IQGAP2: variants seen among roughly 807,000 people sequenced by gnomAD.
IQGAP2 encodes ras GTPase-activating-like protein IQGAP2.
IQGAP2 carries 173 observed loss-of-function variants against 201.3 expected under a neutral mutation model. The observed-to-expected ratio is 0.86, with a 90% confidence interval of 0.76 to 0.98. The LOEUF is 0.98. Among genes scored for constraint, IQGAP2 ranks in the 50% least tolerant of loss-of-function variants. IQGAP2 has a pLI of 0.00. For synonymous variants in IQGAP2, 675 were observed against 673.9 expected (o/e 1.00, Z -0.03); for missense variants, 1,687 against 1,864.8 (o/e 0.90, Z 1.76).
chr5:76,519,567 G>C (rs1330536552), intron 2 of IQGAP2, among the ~76,000 whole-genome samples: 2 of 152,176 alleles, frequency 1.3e-5, no homozygotes, highest in East Asian at 3.9e-4. Context: ...GCAGTACTGG[G>C]TCATATGGAA....
intron 23 of IQGAP2, among the ~76,000 whole-genome samples, chr5:76,669,708 T>C (rs894268106): frequency 2.6e-5 from 4 of 152,148 alleles, no homozygotes; most frequent in South Asian, 2.1e-4. Context: ...GGAAAGTAGA[T>C]TAGTCTAGCC....
In IQGAP2 at chr5:76,663,374, GA is replaced by G. The variant is rs147905032; in HGVS notation, c.2530-1646del. 7.6e-3 allele frequency among the ~76,000 whole-genome samples: 1,152 copies of G among 152,258 alleles called. 17 individuals are homozygous for G. Among genetic ancestry groups the G allele is most frequent in the African/African-American group, 0.026 (1,082 of 41,558 alleles). On this transcript the variant is annotated intron_variant, in intron 21 of 35. Coordinates refer to ENST00000274364, the MANE Select transcript of IQGAP2 (RefSeq NM_006633.5). Reference sequence around the variant, plus strand: ...CAGCTAAGAGCTCAGTCAAAAATCTGAAAAAAGTTTTAGGAAAAGCAACTTT... The same window carrying G: ...CAGCTAAGAGCTCAGTCAAAAATCTGAAAAAGTTTTAGGAAAAGCAACTTT...
chr5:76,478,425 T>A (rs963159632), intron 2 of IQGAP2, among the ~76,000 whole-genome samples: 1 of 152,100 alleles, frequency 6.6e-6, no homozygotes, highest in African/African-American at 2.4e-5. Context: ...TAGCATACCC[T>A]AAGTGTACGA....
Position 76,673,953 on chromosome 5 carries a change from T to A in IQGAP2, c.3211T>A (p.Tyr1071Asn). The change falls in exon 26 of 36, where the codon TAT becomes AAT. Residue 1071 changes from tyrosine to asparagine, a missense_variant and splice_region_variant. Coordinates refer to ENST00000274364, the MANE Select transcript of IQGAP2 (RefSeq NM_006633.5). ...TTTTGTCATCTGTTTTATATGTAGT[T>A]ATGGATTGAGGTATATAGCCAAAGT... ...SIISSLDLLP[Y>N]GLRYIAKVLK... 1 of 1,555,642 alleles carries A rather than the reference T, an allele frequency of 6.4e-7. No homozygotes were observed. The highest frequency in any genetic ancestry group is 8.9e-7 in the Non-Finnish European group (1 of 1,127,620).
At chr5:76,656,197 G>T (rs1038916899) in intron 20 of IQGAP2, among the ~76,000 whole-genome samples, 1 of 148,124 alleles carries the variant, frequency 6.8e-6, no homozygotes, top group Non-Finnish European at 1.5e-5. Context: ...GTTTTTTGTT[G>T]GTTTTTTTTG....
intron 1 of IQGAP2, among the ~76,000 whole-genome samples, chr5:76,441,850 G>A (rs1753060883): frequency 6.6e-6 from 1 of 152,206 alleles, no homozygotes. Flanking sequence ...TTGAGTAGGA[G>A]TTACAGCAGA....
chr5:76,451,155 T>G (rs1421751221), intron 1 of IQGAP2, among the ~76,000 whole-genome samples: 3 of 152,194 alleles, frequency 2.0e-5, no homozygotes, highest in Admixed American at 6.5e-5. Flanking sequence ...AATTGGCATA[T>G]TGGGGTGACT....
intron 2 of IQGAP2, among the ~76,000 whole-genome samples, chr5:76,493,602 C>A (rs1303835475): frequency 6.6e-6 from 1 of 152,140 alleles, no homozygotes; most frequent in Admixed American, 6.5e-5. Context: ...ACTGCTCCCC[C>A]CACCCCATAG....
chr5:76,475,164 G>A (rs957110493), intron 2 of IQGAP2, among the ~76,000 whole-genome samples: 5 of 152,142 alleles, frequency 3.3e-5, no homozygotes, highest in South Asian at 2.1e-4. Flanking sequence ...GGATGAGAGG[G>A]GAGAGAGGAA....
intron 20 of IQGAP2, 120 bp from the exon 21 acceptor site, chr5:76,658,339 C>T: frequency 2.4e-6 from 2 of 823,510 alleles, no homozygotes; most frequent in East Asian, 2.6e-5. Flanking sequence ...TGATTCTCAC[C>T]CTAGACCAAG....
chr5:76,532,064 C>T (rs1759328392), intron 2 of IQGAP2, among the ~76,000 whole-genome samples: 1 of 152,226 alleles, frequency 6.6e-6, no homozygotes, highest in South Asian at 2.1e-4. Flanking sequence ...TCTCCTAATA[C>T]TGTCATATTC....
At position 76,512,280 on chromosome 5, in the gene IQGAP2, G is replaced by A. The variant is rs115470481; in HGVS notation, c.147-50116G>A. Reference sequence around the variant, plus strand: ...TTACTTGGGCATCCAAAAACAGATCGTAAGACACATTGAAAGTGTGGAACT... The same window carrying A: ...TTACTTGGGCATCCAAAAACAGATCATAAGACACATTGAAAGTGTGGAACT... On this transcript the variant is annotated intron_variant, in intron 2 of 35. Transcript: ENST00000274364. Among the ~76,000 whole-genome samples the A allele has an allele frequency of 3.9e-3, 590 of 152,274 alleles. 6 individuals are homozygous for A. The highest frequency in any genetic ancestry group is 0.013 in the African/African-American group (546 of 41,560).
chr5:76,628,065 C>T (rs892056083), intron 14 of IQGAP2, among the ~76,000 whole-genome samples: 1 of 152,190 alleles, frequency 6.6e-6, no homozygotes, highest in Non-Finnish European at 1.5e-5. Flanking sequence ...GTTTACAAAC[C>T]CAGAACCCCT....
chr5:76,589,523 G>C (rs1006637891), intron 6 of IQGAP2, 92 bp from the exon 7 acceptor site: 62 of 647,778 alleles, frequency 9.6e-5, no homozygotes, highest in Non-Finnish European at 1.5e-4. Context: ...TCCTGATGAA[G>C]ACATTTCTTG....
chr5:76,675,369 G>A (rs1000046535), intron 27 of IQGAP2, among the ~76,000 whole-genome samples: 1 of 152,162 alleles, frequency 6.6e-6, no homozygotes, highest in Non-Finnish European at 1.5e-5. Context: ...ACTGTAGTAG[G>A]AAATGGAATA....
intron 2 of IQGAP2, among the ~76,000 whole-genome samples, chr5:76,479,532 G>A (rs1247481533): frequency 6.6e-6 from 1 of 152,088 alleles, no homozygotes; most frequent in Non-Finnish European, 1.5e-5. Flanking sequence ...AGACATTTAG[G>A]GGAGCACGTG....
intron 1 of IQGAP2, among the ~76,000 whole-genome samples, chr5:76,438,035 G>GTTTTTTTT (rs71604291): frequency 8.7e-5 from 6 of 68,584 alleles, no homozygotes; most frequent in Non-Finnish European, 1.6e-4. Flanking sequence ...TTTTTTGTTT[G>GTTTTTTTT]TTTTTTTTTT....
chr5:76,664,998 AGG>A (rs1743619961), intron 21 of IQGAP2, 26 bp from the exon 22 acceptor site: 4 of 1,304,266 alleles, frequency 3.1e-6, no homozygotes, highest in Non-Finnish European at 4.4e-6. Flanking sequence ...AGAATTAAAA[AGG>A]AGTAATCTCA....
At chr5:76,593,941 A>T (rs1746838185) in intron 9 of IQGAP2, among the ~76,000 whole-genome samples, 1 of 152,244 alleles carries the variant, frequency 6.6e-6, no homozygotes. Context: ...GGGCTCAAAC[A>T]GTAATTAAGG....
Sources: allele counts gnomAD v4.1 joint callset (sites outside exome capture counted in the v4.1 genomes callset), GRCh38; gene constraint gnomAD v4.1.1; transcripts MANE v1.5; gene names NCBI Gene and HGNC (gene_info 2026-07-23, HGNC 2026-07-21).